ATP9B: variants seen among roughly 807,000 people sequenced by gnomAD.
ATP9B encodes the protein probable phospholipid-transporting ATPase IIB.
In ATP9B, 110 loss-of-function variants were observed where a neutral mutation model predicts 146.1. The ratio of observed to expected loss-of-function variants is 0.75; its 90% CI spans 0.65 to 0.88. ATP9B has a LOEUF of 0.88. Ranked by LOEUF, ATP9B falls within the 40% of genes least tolerant of loss-of-function variation. The pLI, the probability that ATP9B is intolerant of heterozygous loss-of-function variation, is 0.00. For missense variants in ATP9B, 1,499 were observed against 1,496.4 expected, an observed-to-expected ratio of 1.00 and a Z score of -0.03; for synonymous variants, 604 against 569.7, an observed-to-expected ratio of 1.06 and a Z score of -0.86.
chr18:79,237,330 C>T (rs573273059), intron 11 of ATP9B, among the ~76,000 whole-genome samples: 203 of 149,320 alleles, frequency 1.4e-3, no homozygotes, highest in African/African-American at 4.9e-3. Context: ...CCTGCTCCTT[C>T]CCCACTGTGT....
At chr18:79,073,150 A>T (rs4392134) in intron 1 of ATP9B, among the ~76,000 whole-genome samples, 2 of 147,862 alleles carry the variant, frequency 1.4e-5, no homozygotes, top group African/African-American at 5.0e-5. Context: ...CCAGACTGGG[A>T]GGCCGGGCAG....
chr18:79,231,795 T>TAG (rs2095794855), intron 11 of ATP9B, among the ~76,000 whole-genome samples: 1 of 106,832 alleles, frequency 9.4e-6, no homozygotes, highest in African/African-American at 3.5e-5. Flanking sequence ...TATATATATA[T>TAG]ATATATATAC....
intron 5 of ATP9B, among the ~76,000 whole-genome samples, chr18:79,135,204 G>A (rs2094433549): frequency 6.6e-6 from 1 of 152,166 alleles, no homozygotes; most frequent in South Asian, 2.1e-4. Context: ...GTGCACCAGA[G>A]CTAATCTCAA....
At chr18:79,263,390 T>A (rs1204558761) in intron 12 of ATP9B, among the ~76,000 whole-genome samples, 2 of 152,180 alleles carry the variant, frequency 1.3e-5, no homozygotes, top group Non-Finnish European at 2.9e-5. Flanking sequence ...TTGATGCATG[T>A]TTGGTTGCAG....
intron 12 of ATP9B, among the ~76,000 whole-genome samples, chr18:79,260,776 C>CAG (rs1370335802): frequency 2.0e-5 from 3 of 152,198 alleles, no homozygotes; most frequent in Admixed American, 2.0e-4. Context: ...ATGAGCAGTG[C>CAG]AGAGGCCATG....
rs1476716880 is a variant in ATP9B at position 79,143,173 on chromosome 18, AACATTCATCTACTCTACATCATATTAT to A, written c.668-624_668-598del. On this transcript the variant is annotated intron_variant, in intron 5 of 29. Coordinates refer to ENST00000426216, the MANE Select transcript of ATP9B (RefSeq NM_198531.5). ...TACGTGTGTCTCAAATTATGGGTGC[AACATTCATCTACTCTACATCATATTAT>A]ACATGATATTTAAGTATATATGAAA... Among the ~76,000 whole-genome samples the A allele has an allele frequency of 3.9e-5, 6 of 152,338 alleles. No individual in the cohort carries two copies. In the South Asian group the frequency reaches 8.3e-4, roughly 21 times the overall value.
chr18:79,213,823 A>G, intron 10 of ATP9B, 139 bp from the exon 11 acceptor site: 1 of 655,622 alleles, frequency 1.5e-6, no homozygotes, highest in Non-Finnish European at 2.4e-6. Flanking sequence ...GAATTAGCCA[A>G]ATTAAATACA....
chr18:79,144,463 T>C (rs2094552550), intron 6 of ATP9B, among the ~76,000 whole-genome samples: 1 of 152,186 alleles, frequency 6.6e-6, no homozygotes, highest in Non-Finnish European at 1.5e-5. Flanking sequence ...TAGATTCTCA[T>C]GAGGAGTGTG....
At chr18:79,252,884 G>A (rs2096042287) in intron 11 of ATP9B, among the ~76,000 whole-genome samples, 1 of 151,644 alleles carries the variant, frequency 6.6e-6, no homozygotes, top group African/African-American at 2.4e-5. Context: ...CTGTTCTTGG[G>A]AACTCTCCAT....
chr18:79,242,115 C>T (rs2095895115), intron 11 of ATP9B, among the ~76,000 whole-genome samples: 1 of 152,124 alleles, frequency 6.6e-6, no homozygotes, highest in Non-Finnish European at 1.5e-5. Context: ...GACCATTTTG[C>T]GAGGGTTATT....
intron 15 of ATP9B, among the ~76,000 whole-genome samples, chr18:79,324,802 G>A (rs1343151662): frequency 6.6e-6 from 1 of 152,206 alleles, no homozygotes; most frequent in Non-Finnish European, 1.5e-5. Flanking sequence ...GGTCTAATAT[G>A]TAACATTTTG....
chr18:79,173,051 C>T (rs2095103968), intron 7 of ATP9B, among the ~76,000 whole-genome samples: 1 of 152,160 alleles, frequency 6.6e-6, no homozygotes, highest in Non-Finnish European at 1.5e-5. Flanking sequence ...GGAAGCGGTG[C>T]TTCCTCGTGG....
intron 6 of ATP9B, among the ~76,000 whole-genome samples, chr18:79,152,978 A>G (rs1456153508): frequency 6.6e-6 from 1 of 152,142 alleles, no homozygotes; most frequent in Non-Finnish European, 1.5e-5. Flanking sequence ...TAATCCTCAC[A>G]TTTAATTTCT....
chr18:79,177,078 G>A (rs1443395279), intron 8 of ATP9B, among the ~76,000 whole-genome samples, 171 bp downstream of exon 8: 1 of 152,154 alleles, frequency 6.6e-6, no homozygotes, highest in African/African-American at 2.4e-5. Flanking sequence ...TAATTTCTGT[G>A]ATGTCTTAGC....
At chr18:79,349,296 C>T (rs142425042) in intron 25 of ATP9B, among the ~76,000 whole-genome samples, 76 of 152,154 alleles carry the variant, frequency 5.0e-4, no homozygotes, top group African/African-American at 1.5e-3. Flanking sequence ...TCAGAAAATA[C>T]TTGAATAGTA....
intron 2 of ATP9B, among the ~76,000 whole-genome samples, chr18:79,108,876 G>A (rs546391467): frequency 6.6e-6 from 1 of 152,296 alleles, no homozygotes; most frequent in Admixed American, 6.5e-5. Context: ...GATTTATGAA[G>A]TTTACTTCAT....
Position 79,342,275 on chromosome 18 carries a change from T to C in ATP9B, c.2291T>C (p.Met764Thr). ...GTTTAAATTGTTCCCTAGATATGGATGCTAACAGGCGATAAACTCGAGACA... is the reference window on the plus strand; with the variant it reads ...GTTTAAATTGTTCCCTAGATATGGACGCTAACAGGCGATAAACTCGAGACA... ...MLRNAGIKIW[M>T]LTGDKLETAT... is the part of the protein sequence containing the mutation. The change falls in exon 20 of 30, where the codon ATG becomes ACG. Residue 764 changes from methionine (M) to threonine (T), a missense_variant. Physicochemically the swap from Met to Thr is moderately conservative, Grantham distance 81 (BLOSUM62 -1). Transcript: ENST00000426216. 1.2e-6 allele frequency: 2 copies of C among 1,612,592 alleles called. No homozygotes were observed. Among genetic ancestry groups the C allele is most frequent in the Non-Finnish European group, 1.7e-6 (2 of 1,178,824 alleles).
chr18:79,331,586 T>C (rs563397005), intron 17 of ATP9B, among the ~76,000 whole-genome samples: 17 of 152,310 alleles, frequency 1.1e-4, no homozygotes, highest in African/African-American at 4.1e-4. Flanking sequence ...TACTACTATA[T>C]TATGAAAGCC....
intron 13 of ATP9B, among the ~76,000 whole-genome samples, chr18:79,301,354 T>C (rs1329652339): frequency 6.6e-6 from 1 of 152,148 alleles, no homozygotes; most frequent in Admixed American, 6.5e-5. Context: ...TAGTTGGGTG[T>C]GGTGGCGCAC....
Sources: allele counts gnomAD v4.1 joint callset (sites outside exome capture counted in the v4.1 genomes callset), GRCh38; gene constraint gnomAD v4.1.1; transcripts MANE v1.5; gene names NCBI Gene and HGNC (gene_info 2026-07-23, HGNC 2026-07-21).